PRIM2: variants seen among roughly 807,000 people sequenced by gnomAD.
PRIM2 encodes DNA primase large subunit.
A neutral mutation model predicts 67.3 loss-of-function variants in PRIM2; 39 were observed. The observed-to-expected ratio is 0.58, with a 90% CI of 0.45 to 0.76. PRIM2 has a LOEUF of 0.76. Ranked by LOEUF, PRIM2 falls within the 30% of genes least tolerant of loss-of-function variation. The pLI, the probability that PRIM2 is intolerant of heterozygous loss-of-function variation, is 0.00. For missense variants in PRIM2, 398 were observed against 598.7 expected, an observed-to-expected ratio of 0.66 and a Z score of 3.50; for synonymous variants, 143 against 198.7, an observed-to-expected ratio of 0.72 and a Z score of 2.36.
At chr6:57,230,811 T>C in the PRIM2 span, among the ~76,000 whole-genome samples, 1 of 152,186 alleles carries the variant, frequency 6.6e-6, no homozygotes, top group East Asian at 1.9e-4. Context: ...CTACATCCTT[T>C]GTGCCCAGTT....
At chr6:57,578,137 C>T (rs1775996372) in intron 10 of PRIM2, among the ~76,000 whole-genome samples, 1 of 152,098 alleles carries the variant, frequency 6.6e-6, no homozygotes. Context: ...GCAGGACAGG[C>T]GTGATGTTCG....
chr6:57,240,567 C>A, the PRIM2 span, among the ~76,000 whole-genome samples: 1 of 151,994 alleles, frequency 6.6e-6, no homozygotes, highest in Non-Finnish European at 1.5e-5. Context: ...AAACAGGAGA[C>A]CAGCACAGGT....
chr6:57,376,881 T>C (rs559101032), intron 5 of PRIM2, among the ~76,000 whole-genome samples: 13 of 152,296 alleles, frequency 8.5e-5, no homozygotes, highest in South Asian at 6.2e-4. Flanking sequence ...AGTTTTTCTA[T>C]ATTTTTTATT....
chr6:57,362,679 C>CT (rs5876543), intron 5 of PRIM2, among the ~76,000 whole-genome samples: 10,270 of 146,282 alleles, frequency 0.07, 448 homozygotes, highest in East Asian at 0.18. Flanking sequence ...AAATTACTTC[C>CT]TTTTTTTTTT....
At chr6:57,551,468 C>T (rs1775401301) in intron 10 of PRIM2, among the ~76,000 whole-genome samples, 1 of 152,160 alleles carries the variant, frequency 6.6e-6, no homozygotes, top group Non-Finnish European at 1.5e-5. Context: ...TGATTAGGCA[C>T]CCTAAGAAGT....
At chr6:57,234,247 A>G in the PRIM2 span, among the ~76,000 whole-genome samples, 1 of 152,232 alleles carries the variant, frequency 6.6e-6, no homozygotes. Flanking sequence ...ACAATTAAAA[A>G]TAGATGTGTA....
chr6:57,357,291 A>G (rs1769060692), intron 5 of PRIM2, among the ~76,000 whole-genome samples: 2 of 152,186 alleles, frequency 1.3e-5, no homozygotes, highest in Admixed American at 6.5e-5. Context: ...TCTATGCTAC[A>G]GCCCCTCCCC....
chr6:57,238,672 A>G, the PRIM2 span, among the ~76,000 whole-genome samples: 3 of 152,216 alleles, frequency 2.0e-5, no homozygotes, highest in Non-Finnish European at 2.9e-5. Context: ...GCAAGAGCAA[A>G]TACATTCAAA....
At chr6:57,234,961 C>G in the PRIM2 span, among the ~76,000 whole-genome samples, 1 of 152,112 alleles carries the variant, frequency 6.6e-6, no homozygotes, top group East Asian at 1.9e-4. Flanking sequence ...TCGTCGGAGC[C>G]AAGGAGTTTG....
At chr6:57,256,613 C>G in the PRIM2 span, among the ~76,000 whole-genome samples, 3 of 144,378 alleles carry the variant, frequency 2.1e-5, no homozygotes, top group Admixed American at 2.2e-4. Flanking sequence ...AGTTTTCTTT[C>G]TCTCTTTCTC....
chr6:57,531,663 A>G (rs1774894193), intron 8 of PRIM2, among the ~76,000 whole-genome samples: 1 of 152,084 alleles, frequency 6.6e-6, no homozygotes, highest in African/African-American at 2.4e-5. Flanking sequence ...AGGGAAGAGG[A>G]TGATATGGTG....
intron 7 of PRIM2, among the ~76,000 whole-genome samples, chr6:57,413,249 CTT>C (rs1165373165): frequency 6.6e-6 from 1 of 151,626 alleles, no homozygotes; most frequent in African/African-American, 2.4e-5. Context: ...CTAACAGAAA[CTT>C]AGGGGAGAAG....
At chr6:57,536,488 T>A (rs1775005839) in intron 9 of PRIM2, among the ~76,000 whole-genome samples, 2 of 152,342 alleles carry the variant, frequency 1.3e-5, no homozygotes, top group Admixed American at 1.3e-4. Flanking sequence ...TATTCAGCAA[T>A]TGTACTTTTA....
intron 7 of PRIM2, among the ~76,000 whole-genome samples, chr6:57,443,517 T>C (rs1772268036): frequency 6.6e-6 from 1 of 152,236 alleles, no homozygotes; most frequent in Non-Finnish European, 1.5e-5. Context: ...TTGAACATTT[T>C]TTAAAAAATG....
rs530154790 is a variant in PRIM2 at position 57,331,746 on chromosome 6, A to G, written c.459+5701A>G. ...TAAGAAAATAAAAGGATTGGTGATG[A>G]TGTCTTCTCTTTCCTTCCTGATTTT... On this transcript the variant is annotated intron_variant, in intron 5 of 13. Coordinates refer to ENST00000615550, the MANE Select transcript of PRIM2 (RefSeq NM_000947.5). Among the ~76,000 whole-genome samples, 34 of 151,904 alleles carry G rather than the reference A, an allele frequency of 2.2e-4. No homozygotes were observed. The South Asian group carries it at 6.7e-3, about 30-fold the overall frequency.
rs1289037947 is a variant in PRIM2 at position 57,542,040 on chromosome 6, G to C, written c.1020+4415G>C. On this transcript the variant is annotated intron_variant, in intron 10 of 13. Transcript: ENST00000615550. ...ACCCAGGCTGGAGTGCAGTGGCGCA[G>C]TCTTAGCTCACTGCAACCTCTGCCT... 2.2e-4 allele frequency among the ~76,000 whole-genome samples: 33 copies of C among 147,360 alleles called. No homozygotes were observed. In the East Asian group the frequency reaches 6.5e-3, roughly 29 times the overall value.
At chr6:57,419,779 T>A (rs1319607359) in intron 7 of PRIM2, among the ~76,000 whole-genome samples, 3 of 152,202 alleles carry the variant, frequency 2.0e-5, no homozygotes, top group Non-Finnish European at 1.5e-5. Context: ...AATTTTTTTT[T>A]AATAAATAAA....
intron 13 of PRIM2, among the ~76,000 whole-genome samples, chr6:57,632,575 T>C (rs2127499556): frequency 1.3e-5 from 2 of 152,282 alleles, no homozygotes; most frequent in East Asian, 3.9e-4. Flanking sequence ...TCTACTGTTG[T>C]AGTGCAAAAG....
chr6:57,627,450 G>C (rs1452243635), intron 12 of PRIM2, among the ~76,000 whole-genome samples: 5 of 151,232 alleles, frequency 3.3e-5, no homozygotes, highest in Non-Finnish European at 7.4e-5. Context: ...GTGTAGGGTT[G>C]CAATCTTGGC....
Sources: gnomAD v4.1 joint callset for allele counts (sites outside exome capture counted in the v4.1 genomes callset) on GRCh38, gnomAD v4.1.1 for gene constraint, MANE v1.5 for transcripts, NCBI Gene and HGNC (gene_info 2026-07-23, HGNC 2026-07-21) for gene names.